The following TRIM9 variants were observed in gnomAD, a reference collection of about 807,000 sequenced individuals.
The protein encoded by TRIM9 is E3 ubiquitin-protein ligase TRIM9.
TRIM9 carries 26 observed loss-of-function variants against 78.3 expected under a neutral mutation model. That is an observed-to-expected ratio of 0.33 (90% confidence interval 0.24 to 0.46). The LOEUF (loss-of-function observed/expected upper bound fraction) is 0.46, where lower values mean the gene tolerates loss of function less well. Ranked by LOEUF, TRIM9 falls within the 20% of genes least tolerant of loss-of-function variation. The pLI is 1.00. For missense variants in TRIM9, 787 were observed against 1,036.4 expected (o/e 0.76, Z 3.30); for synonymous variants, 398 against 416.5 (o/e 0.96, Z 0.54).
chr14:50,983,057 AC>A, intron 9 of TRIM9, 92 bp from the exon 10 acceptor site: 1 of 1,227,106 alleles, frequency 8.1e-7, no homozygotes, highest in Non-Finnish European at 1.2e-6. Flanking sequence ...ATAGACTAGT[AC>A]CCCAAAAGGA....
At chr14:51,086,241 C>T (rs1317650427) in intron 1 of TRIM9, among the ~76,000 whole-genome samples, 1 of 152,096 alleles carries the variant, frequency 6.6e-6, no homozygotes, top group Non-Finnish European at 1.5e-5. Context: ...GTCAGACAGC[C>T]AGGATTCAAA....
At chr14:51,020,177 T>C (rs1485428800) in intron 3 of TRIM9, among the ~76,000 whole-genome samples, 2 of 152,170 alleles carry the variant, frequency 1.3e-5, no homozygotes, top group Non-Finnish European at 2.9e-5. Flanking sequence ...AAAGAAGTAC[T>C]GTGCTTGGCA....
At chr14:51,028,955 G>A (rs1313256229) in intron 1 of TRIM9, among the ~76,000 whole-genome samples, 2 of 152,066 alleles carry the variant, frequency 1.3e-5, no homozygotes, top group African/African-American at 4.8e-5. Flanking sequence ...CCCCAGGAGG[G>A]AGAGATCAGG....
intron 4 of TRIM9, 96 bp downstream of exon 4, chr14:51,010,288 A>G: frequency 6.6e-6 from 6 of 909,728 alleles, no homozygotes; most frequent in Non-Finnish European, 8.8e-6. Context: ...TGAGGGACAC[A>G]GGCCCACCCA....
rs559238281 is a variant in TRIM9, at chr14:50,986,237, T to A, written c.1604-93A>T. On this transcript the variant is annotated intron_variant, in intron 7 of 12. Transcript: ENST00000684578. ...AAGACCTGCCTTAACAATGCATTCA[T>A]ACAAAGCCTCATCTTTCCCACAGGG... 1.6e-5 allele frequency: 18 copies of A among 1,094,170 alleles called. No homozygotes were observed. In the South Asian group the frequency reaches 4.4e-4, roughly 27 times the overall value. 67.8% of individuals were successfully genotyped at this position (1,094,170 alleles called of 1,614,324 possible). A position where few individuals can be genotyped will look rare whatever the true frequency, so the allele number is the denominator to read the frequency against.
chr14:51,081,822 G>A (rs4400967), intron 1 of TRIM9, among the ~76,000 whole-genome samples: 122,122 of 152,262 alleles, frequency 0.8, 49,369 homozygotes, highest in African/African-American at 0.9. Context: ...AGAGACGCAT[G>A]GAGTAAGGTA....
intron 1 of TRIM9, among the ~76,000 whole-genome samples, chr14:51,044,655 G>A (rs549580060): frequency 2.0e-5 from 3 of 152,234 alleles, no homozygotes; most frequent in Admixed American, 6.5e-5. Context: ...CCTAAGTCCC[G>A]GATGACAGTG....
intron 1 of TRIM9, among the ~76,000 whole-genome samples, chr14:51,057,095 A>G (rs1309818228): frequency 2.6e-5 from 4 of 152,216 alleles, no homozygotes; most frequent in Non-Finnish European, 1.5e-5. Context: ...CTCAGACATT[A>G]TATCTGCATG....
chr14:51,016,346 C>T (rs1470180197), intron 3 of TRIM9, among the ~76,000 whole-genome samples: 1 of 152,064 alleles, frequency 6.6e-6, no homozygotes, highest in African/African-American at 2.4e-5. Context: ...TAGATTCTCA[C>T]AGGAGCAGGA....
chr14:51,090,999 C>T (rs2064259156), intron 1 of TRIM9: 2 of 152,202 alleles, frequency 1.3e-5, no homozygotes, highest in East Asian at 1.9e-4. Context: ...GTTTCTATTG[C>T]CCATTTTAAA....
At chr14:51,062,795 A>G (rs2061448579) in intron 1 of TRIM9, among the ~76,000 whole-genome samples, 1 of 152,246 alleles carries the variant, frequency 6.6e-6, no homozygotes, top group Non-Finnish European at 1.5e-5. Context: ...CTCAGCAGAA[A>G]GAAACAGCTG....
chr14:51,032,808 C>T lies in TRIM9; in HGVS notation c.823-7448G>A, dbSNP rs371014339. Among the ~76,000 whole-genome samples, 8 of 152,314 alleles carry T rather than the reference C, an allele frequency of 5.3e-5. No homozygotes were observed. In the East Asian group the frequency reaches 5.8e-4, roughly 11 times the overall value. On this transcript the variant is annotated intron_variant, in intron 1 of 12. Transcript: ENST00000684578. ...ATGTATATAAAGTTATATGCAATGC[C>T]TAGCATATTGTTAAAATTCAATAAG...
intron 1 of TRIM9, among the ~76,000 whole-genome samples, chr14:51,065,598 A>G (rs1164448070): frequency 6.6e-6 from 1 of 152,202 alleles, no homozygotes; most frequent in Non-Finnish European, 1.5e-5. Context: ...ACAAGTGTAG[A>G]CAGTGTAACT....
chr14:50,993,451 C>T (rs571295662), intron 7 of TRIM9, among the ~76,000 whole-genome samples: 292 of 152,130 alleles, frequency 1.9e-3, no homozygotes, highest in African/African-American at 6.8e-3. Flanking sequence ...TCACCGCAAC[C>T]TCTGCCTCCC....
At chr14:51,049,613 G>A (rs1484393298) in intron 1 of TRIM9, among the ~76,000 whole-genome samples, 1 of 152,048 alleles carries the variant, frequency 6.6e-6, no homozygotes, top group East Asian at 1.9e-4. Context: ...GGATCATGAG[G>A]TCAGGAGTTC....
chr14:51,038,122 C>T lies in TRIM9; in HGVS notation c.823-12762G>A, dbSNP rs950888354. On this transcript the variant is annotated intron_variant, in intron 1 of 12. Transcript: ENST00000684578. ...ATAGACCTTGAGATGGAGAGATTAT[C>T]CTGGATTATCTAGGTGGGCCCAATT... Among the ~76,000 whole-genome samples the T allele has an allele frequency of 3.6e-4, 54 of 152,098 alleles. 1 individual carries two copies. The highest frequency in any genetic ancestry group is 1.3e-3 in the African/African-American group (54 of 41,418).
chr14:51,010,274 T>C (rs2056412121), intron 4 of TRIM9, 110 bp downstream of exon 4: 2 of 760,382 alleles, frequency 2.6e-6, no homozygotes, highest in Admixed American at 2.3e-5. Context: ...GTAGGTTCTG[T>C]TATTGAGGGA....
At chr14:51,077,331 G>A (rs1050185112) in intron 1 of TRIM9, among the ~76,000 whole-genome samples, 5 of 151,790 alleles carry the variant, frequency 3.3e-5, no homozygotes, top group Admixed American at 3.3e-4. Flanking sequence ...TTTGAGGTAA[G>A]GCGACCATGA....
intron 1 of TRIM9, among the ~76,000 whole-genome samples, chr14:51,038,041 A>G (rs534625274): frequency 6.6e-6 from 1 of 152,290 alleles, no homozygotes; most frequent in East Asian, 1.9e-4. Flanking sequence ...ATGGTCCTCT[A>G]AAATGTCCAT....
Sources: allele counts gnomAD v4.1 joint callset (sites outside exome capture counted in the v4.1 genomes callset), GRCh38; gene constraint gnomAD v4.1.1; transcripts MANE v1.5; gene names NCBI Gene and HGNC (gene_info 2026-07-23, HGNC 2026-07-21).